Variants in TMEM132C observed in about 807,000 individuals in gnomAD.
TMEM132C encodes the protein protein phosphatase 1, regulatory subunit 152.
TMEM132C carries 29 observed loss-of-function variants against 61.4 expected under a neutral mutation model. The observed-to-expected ratio is 0.47, with a 90% confidence interval of 0.35 to 0.64. The LOEUF is 0.64. Ranked by LOEUF, TMEM132C falls within the 30% of genes least tolerant of loss-of-function variation. TMEM132C has a pLI of 0.00. For missense variants in TMEM132C, 1,408 were observed against 1,476.9 expected (o/e 0.95, Z 0.76); for synonymous variants, 656 against 633.1 (o/e 1.04, Z -0.54).
At chr12:128,321,156 TA>T (rs1436168068) in intron 1 of TMEM132C, among the ~76,000 whole-genome samples, 1 of 148,392 alleles carries the variant, frequency 6.7e-6, no homozygotes, top group African/African-American at 2.5e-5. Flanking sequence ...ATAATAATAA[TA>T]ATAATAATAA....
At chr12:128,491,244 ATT>A (rs1871708072) in intron 2 of TMEM132C, among the ~76,000 whole-genome samples, 1 of 152,218 alleles carries the variant, frequency 6.6e-6, no homozygotes, top group Admixed American at 6.5e-5. Flanking sequence ...GGTCAGATGA[ATT>A]TCACCAACTT....
chr12:128,568,457 A>T (rs1045630851), intron 3 of TMEM132C, among the ~76,000 whole-genome samples: 1 of 152,246 alleles, frequency 6.6e-6, no homozygotes, highest in African/African-American at 2.4e-5. Context: ...ATAAATAATC[A>T]TAGCAAATAC....
chr12:128,585,039 C>T (rs1428089801), intron 3 of TMEM132C, among the ~76,000 whole-genome samples: 2 of 152,200 alleles, frequency 1.3e-5, no homozygotes, highest in Admixed American at 1.3e-4. Context: ...GGCTTGAGTC[C>T]AGGAGGCATG....
chr12:128,379,822 C>T (rs1874344762), intron 1 of TMEM132C, among the ~76,000 whole-genome samples: 1 of 152,206 alleles, frequency 6.6e-6, no homozygotes, highest in African/African-American at 2.4e-5. Flanking sequence ...TAGCGACCAG[C>T]ATTCAACCCA....
At chr12:128,533,887 C>G (rs1391398794) in intron 2 of TMEM132C, among the ~76,000 whole-genome samples, 1 of 151,978 alleles carries the variant, frequency 6.6e-6, no homozygotes, top group Admixed American at 6.6e-5. Context: ...GGTACTTACC[C>G]GCCCTCCCAT....
intron 1 of TMEM132C, among the ~76,000 whole-genome samples, chr12:128,343,192 G>A (rs1353919288): frequency 3.3e-5 from 5 of 152,118 alleles, no homozygotes; most frequent in Non-Finnish European, 5.9e-5. Flanking sequence ...TTGGGAGGCC[G>A]AGACGGGTGG....
chr12:128,654,369 GC>G (rs1234636284), intron 4 of TMEM132C, among the ~76,000 whole-genome samples: 1 of 152,116 alleles, frequency 6.6e-6, no homozygotes, highest in Non-Finnish European at 1.5e-5. Context: ...GAAGGATCCT[GC>G]CCTGCAGCCT....
chr12:128,702,451 A>C (rs1271195321), intron 8 of TMEM132C, among the ~76,000 whole-genome samples: 3 of 151,844 alleles, frequency 2.0e-5, no homozygotes, highest in Admixed American at 6.6e-5. Flanking sequence ...GTTTCCTTTA[A>C]GTTATAGCCT....
chr12:128,572,003 G>GCA (rs1874900251), intron 3 of TMEM132C, among the ~76,000 whole-genome samples: 1 of 152,256 alleles, frequency 6.6e-6, no homozygotes, highest in Non-Finnish European at 1.5e-5. Context: ...CCAATCATAT[G>GCA]TCTCTGCTGG....
chr12:128,306,803 C>T (rs761277193), intron 1 of TMEM132C, among the ~76,000 whole-genome samples: 12 of 151,950 alleles, frequency 7.9e-5, no homozygotes, highest in Non-Finnish European at 1.5e-4. Context: ...TGATGATTCC[C>T]CAAAGTAAAT....
At chr12:128,515,520 GTTTTC>G (rs1872688174) in intron 2 of TMEM132C, among the ~76,000 whole-genome samples, 2 of 152,184 alleles carry the variant, frequency 1.3e-5, no homozygotes, top group African/African-American at 4.8e-5. Flanking sequence ...CATTGATTCT[GTTTTC>G]TTTTATTTGC....
At chr12:128,389,896 T>C (rs188912649) in intron 1 of TMEM132C, among the ~76,000 whole-genome samples, 148 of 152,324 alleles carry the variant, frequency 9.7e-4, no homozygotes, top group African/African-American at 3.0e-3. Flanking sequence ...GTGTTTTGTG[T>C]GTGGCAAGGT....
chr12:128,695,854 G>A lies in TMEM132C; in HGVS notation c.1680G>A (p.Glu560=). 1 of 1,550,026 alleles carries A rather than the reference G, an allele frequency of 6.5e-7. No individual in the cohort carries two copies. The highest frequency in any genetic ancestry group is 1.7e-4 in the Middle Eastern group (1 of 5,960). Residue 560 remains glutamate, a synonymous_variant, in exon 7 of 9, where the codon GAG becomes GAA. Transcript: ENST00000435159. ...NKRPTRESED[E]DEEERRGRGC... is the part of the protein sequence containing the mutation. Reference sequence around the variant, plus strand: ...GGCCCACTCGTGAGAGCGAGGATGAGGACGAGGAGGAGCGGCGGGGCCGGG... The same window carrying A: ...GGCCCACTCGTGAGAGCGAGGATGAAGACGAGGAGGAGCGGCGGGGCCGGG...
intron 1 of TMEM132C, among the ~76,000 whole-genome samples, chr12:128,305,539 CTTTTT>C (rs34692834): frequency 0.024 from 3,369 of 141,624 alleles, 103 homozygotes; most frequent in African/African-American, 0.079. Context: ...GGTTTTGTGG[CTTTTT>C]TTTTTTTTTC....
rs1053119492 is a variant in TMEM132C, at chr12:128,705,944, C to A, written c.2976C>A (p.Asp992Glu). 11 of 1,551,498 alleles carry A rather than the reference C, an allele frequency of 7.1e-6. No homozygotes were observed. Among genetic ancestry groups the A allele is most frequent in the Non-Finnish European group, 8.7e-6 (10 of 1,146,962 alleles). The change falls in exon 9 of 9, where the codon GAC (aspartate) becomes GAA (glutamate). Residue 992 changes from aspartate (D) to glutamate (E), a missense_variant. Coordinates refer to ENST00000435159, the MANE Select transcript of TMEM132C (RefSeq NM_001136103.3). ...ESMGDAPPPQDEHTTIIDRGP... is the reference protein window; with the variant it reads ...ESMGDAPPPQEEHTTIIDRGP... ...TGGGGGATGCGCCGCCGCCCCAGGA[C>A]GAGCACACCACCATCATAGACCGCG...
At chr12:128,491,493 G>A (rs965265948) in intron 2 of TMEM132C, among the ~76,000 whole-genome samples, 8 of 152,158 alleles carry the variant, frequency 5.3e-5, no homozygotes, top group East Asian at 3.9e-4. Context: ...TTCCTGTGAC[G>A]TCTCTTTGGC....
intron 4 of TMEM132C, among the ~76,000 whole-genome samples, chr12:128,662,439 A>G (rs565358516): frequency 1.3e-5 from 2 of 152,228 alleles, no homozygotes; most frequent in Admixed American, 1.3e-4. Flanking sequence ...TGCTTGGAGC[A>G]TTTAAATAAT....
At chr12:128,273,428 C>T (rs759993807) in intron 1 of TMEM132C, among the ~76,000 whole-genome samples, 1 of 151,922 alleles carries the variant, frequency 6.6e-6, no homozygotes, top group Non-Finnish European at 1.5e-5. Context: ...TAACTTATGT[C>T]TCTATATGTA....
chr12:128,405,489 T>G (rs1875310554), intron 1 of TMEM132C, among the ~76,000 whole-genome samples: 2 of 152,174 alleles, frequency 1.3e-5, no homozygotes, highest in South Asian at 4.1e-4. Context: ...TCCTGCTTAA[T>G]TATTTGAATT....
Sources: allele counts gnomAD v4.1 joint callset (sites outside exome capture counted in the v4.1 genomes callset), GRCh38; gene constraint gnomAD v4.1.1; transcripts MANE v1.5; gene names NCBI Gene and HGNC (gene_info 2026-07-23, HGNC 2026-07-21).